The following OCA2 variants were observed in gnomAD, a reference collection of about 807,000 sequenced individuals.
OCA2 encodes OCA2 melanosomal transmembrane protein.
In OCA2, 77 loss-of-function variants were observed where a neutral mutation model predicts 100.2. That is an observed-to-expected ratio of 0.77 (90% CI 0.64 to 0.93). The LOEUF (loss-of-function observed/expected upper bound fraction) is 0.93. Ranked by LOEUF, OCA2 falls within the 40% of genes least tolerant of loss-of-function variation. The pLI, the probability that OCA2 is intolerant of heterozygous loss-of-function variation, is 0.00. For synonymous variants in OCA2, 432 were observed against 439.2 expected, an observed-to-expected ratio of 0.98 and a Z score of 0.21; for missense variants, 1,062 against 1,089.1, an observed-to-expected ratio of 0.98 and a Z score of 0.35.
At chr15:28,022,279 C>T (rs573155415) in intron 6 of OCA2, among the ~76,000 whole-genome samples, 121 of 152,298 alleles carry the variant, frequency 7.9e-4, no homozygotes, top group African/African-American at 2.7e-3. Context: ...CCCCCTTCCT[C>T]ACTCGGAGAG....
intron 19 of OCA2, among the ~76,000 whole-genome samples, chr15:27,925,071 G>A (rs542192915): frequency 1.3e-5 from 2 of 152,194 alleles, no homozygotes; most frequent in South Asian, 4.1e-4. Context: ...CTTAACAACC[G>A]ATCCTCAAGA....
intron 19 of OCA2, among the ~76,000 whole-genome samples, chr15:27,884,257 A>C (rs2037136742): frequency 6.6e-6 from 1 of 152,188 alleles, no homozygotes; most frequent in Non-Finnish European, 1.5e-5. Context: ...GCAAGCCTGT[A>C]GTCCCAGCTC....
At chr15:27,769,976 C>T (rs1043340540) in intron 23 of OCA2, among the ~76,000 whole-genome samples, 24 of 151,014 alleles carry the variant, frequency 1.6e-4, no homozygotes, top group African/African-American at 5.9e-4. Flanking sequence ...GCCTCATACC[C>T]CATCTCCTGG....
chr15:27,951,521 G>T (rs951589540), intron 18 of OCA2, among the ~76,000 whole-genome samples: 5 of 152,178 alleles, frequency 3.3e-5, no homozygotes, highest in Non-Finnish European at 7.4e-5. Context: ...CCTCCTCATG[G>T]TCATCCCTGG....
chr15:28,038,361 G>A (rs16950821), intron 2 of OCA2, among the ~76,000 whole-genome samples: 31,833 of 152,132 alleles, frequency 0.21, 4,417 homozygotes, highest in African/African-American at 0.38. Flanking sequence ...TTCCTCACCC[G>A]TGTACAGTCA....
At chr15:28,015,969 A>T (rs2042377465) in intron 8 of OCA2, 135 bp downstream of exon 8, 2 of 738,116 alleles carry the variant, frequency 2.7e-6, no homozygotes, top group Non-Finnish European at 4.9e-6. Flanking sequence ...CTGTCTACAC[A>T]GCATGAGTGC....
At chr15:27,825,839 C>T (rs529541742) in intron 23 of OCA2, among the ~76,000 whole-genome samples, 30 of 152,324 alleles carry the variant, frequency 2.0e-4, no homozygotes, top group Admixed American at 8.5e-4. Flanking sequence ...GGAAGGCAGC[C>T]GGCCAGGACC....
intron 1 of OCA2, 37 bp downstream of exon 1, chr15:28,099,179 GCTCCTCGC>G (rs2045039743): frequency 6.5e-6 from 1 of 153,248 alleles, no homozygotes; most frequent in African/African-American, 2.4e-5. Context: ...GGCTAGTCTG[GCTCCTCGC>G]CTCCTTCCTC....
intron 22 of OCA2, among the ~76,000 whole-genome samples, chr15:27,849,485 T>C (rs1483451463): frequency 6.6e-6 from 1 of 151,746 alleles, no homozygotes; most frequent in Non-Finnish European, 1.5e-5. Flanking sequence ...CTTATTTGAA[T>C]AGTTCTTAGC....
intron 1 of OCA2, 21 bp from the exon 2 acceptor site, chr15:28,081,916 C>G (rs556865620): frequency 6.4e-7 from 1 of 1,570,598 alleles, no homozygotes; most frequent in East Asian, 2.3e-5. Flanking sequence ...CAGAAAGAAA[C>G]CACTCTTCAT....
chr15:28,040,077 C>G (rs958880314), intron 2 of OCA2, among the ~76,000 whole-genome samples: 3 of 150,544 alleles, frequency 2.0e-5, no homozygotes, highest in East Asian at 3.9e-4. Flanking sequence ...TTCAAACACA[C>G]AAAGAGACAC....
At chr15:28,069,405 CT>C (rs1566862664) in intron 2 of OCA2, among the ~76,000 whole-genome samples, 4 of 10,602 alleles carry the variant, frequency 3.8e-4, no homozygotes, top group Non-Finnish European at 4.3e-4. Flanking sequence ...TCCCCCTCCC[CT>C]TCCCCCTCCC....
At chr15:28,066,132 G>A (rs2141710973) in intron 2 of OCA2, among the ~76,000 whole-genome samples, 1 of 152,274 alleles carries the variant, frequency 6.6e-6, no homozygotes, top group East Asian at 1.9e-4. Flanking sequence ...CTGAACAAAT[G>A]TAAATTGATG....
intron 23 of OCA2, among the ~76,000 whole-genome samples, chr15:27,778,643 G>C (rs1419181891): frequency 6.6e-6 from 1 of 152,092 alleles, no homozygotes; most frequent in African/African-American, 2.4e-5. Flanking sequence ...TGTAGCAGGA[G>C]AGAAGAAAAG....
At chr15:27,727,805 T>C in the OCA2 span, among the ~76,000 whole-genome samples, 11 of 152,092 alleles carry the variant, frequency 7.2e-5, no homozygotes, top group Admixed American at 7.2e-4. Context: ...GGGGCTCCAG[T>C]AGGAGTAGAA....
At chr15:27,814,937 T>TAGAC (rs2034232729) in intron 23 of OCA2, among the ~76,000 whole-genome samples, 1 of 118,020 alleles carries the variant, frequency 8.5e-6, no homozygotes, top group Admixed American at 8.1e-5. Flanking sequence ...GATAGATAGA[T>TAGAC]AGATAGATAC....
At chr15:27,762,815 C>T (rs2030949983) in intron 23 of OCA2, among the ~76,000 whole-genome samples, 1 of 152,198 alleles carries the variant, frequency 6.6e-6, no homozygotes, top group African/African-American at 2.4e-5. Flanking sequence ...GTTAATTTCT[C>T]TTACATTGAG....
At position 27,844,959 on chromosome 15, in the gene OCA2, C is replaced by T. The variant is rs749961662; in HGVS notation, c.2432G>A (p.Arg811Lys). 6.2e-7 allele frequency: 1 copy of T among 1,608,062 alleles called. No homozygotes were observed. The highest frequency in any genetic ancestry group is 8.5e-7 in the Non-Finnish European group (1 of 1,174,648). Reference sequence around the variant, plus strand: ...AAATTTAAAGGGAATTTAAAAGTACCTGAAAAATTCCATGAAGGAGAACCC... The same window carrying T: ...AAATTTAAAGGGAATTTAAAAGTACTTGAAAAATTCCATGAAGGAGAACCC... ...GYGFSFMEFFRLGFPMMVVSC... is the reference protein window; with the variant it reads ...GYGFSFMEFFKLGFPMMVVSC... Residue 811 changes from arginine to lysine, a missense_variant and splice_region_variant, in exon 23 of 24, where the codon AGG becomes AAG. Arg to Lys is a conservative substitution (Grantham distance 26). Transcript: ENST00000354638.
chr15:27,854,089 C>T (rs58353812), intron 21 of OCA2, among the ~76,000 whole-genome samples: 1 of 152,304 alleles, frequency 6.6e-6, no homozygotes, highest in African/African-American at 2.4e-5. Flanking sequence ...CAGGTGGGTC[C>T]TCCTCCCCAC....
Sources: allele counts gnomAD v4.1 joint callset (sites outside exome capture counted in the v4.1 genomes callset), GRCh38; gene constraint gnomAD v4.1.1; transcripts MANE v1.5; gene names NCBI Gene and HGNC (gene_info 2026-07-23, HGNC 2026-07-21).